LYZ: variants seen among roughly 807,000 people sequenced by gnomAD.
LYZ encodes the protein lysozyme.
Under a neutral mutation model 15.8 loss-of-function variants are expected in LYZ, and 18 were observed. The ratio of observed to expected loss-of-function variants is 1.14; its 90% CI spans 0.79 to 1.69. LYZ has a LOEUF of 1.69. Ranked by LOEUF, LYZ falls within the 40% of genes most tolerant of loss-of-function variation. The probability of loss-of-function intolerance (pLI) is 0.00; values close to 1 mark genes in which losing one functional copy is unlikely to be tolerated. For missense variants in LYZ, 139 were observed against 182.8 expected (o/e 0.76, Z 1.38); for synonymous variants, 60 against 61.7 (o/e 0.97, Z 0.13).
intron 1 of LYZ, 51 bp from the exon 2 acceptor site, chr12:69,350,057 G>A (rs1422884066): frequency 1.9e-5 from 28 of 1,511,350 alleles, no homozygotes; most frequent in Non-Finnish European, 2.5e-5. Context: ...TTGCTATAGA[G>A]TATAAGTCAC....
Position 69,350,309 on chromosome 12 carries a change from T to G in LYZ, c.301+37T>G, listed in dbSNP as rs771942161. On this transcript the variant is annotated intron_variant, in intron 2 of 3. Transcript: ENST00000261267. ...TAATATTTGACCAATCTGGTTATAC[T>G]TACAAGAATTGAGACTCAATACAAA... 1.9e-6 allele frequency: 3 copies of G among 1,609,256 alleles called. No homozygotes were observed. The Admixed American group carries it at 5.0e-5, about 27-fold the overall frequency.
At position 69,352,922 on chromosome 12, in the gene LYZ, A is replaced by G. The variant is rs1315287514; in HGVS notation, c.381-231A>G. Among the ~76,000 whole-genome samples, 80 of 152,192 alleles carry G rather than the reference A, an allele frequency of 5.3e-4. 1 individual carries two copies. The highest frequency in any genetic ancestry group is 5.2e-3 in the Admixed American group (80 of 15,274). ...ATTCACTTTGCAGTTGCTGCTGTAC[A>G]ACGCACATTACTCAATCTTTATGTT... On this transcript the variant is annotated intron_variant, in intron 3 of 3. Transcript: ENST00000261267.
rs1874914150 is a variant in LYZ at position 69,354,187 on chromosome 12, G to T, written c.*968G>T. ...TAATTAATCACAAATGTGAAGTTAT[G>T]CATGATGTAAAAAATACAAACATTC... On this transcript the variant is annotated 3_prime_UTR_variant, in exon 4 of 4. Coordinates refer to ENST00000261267, the MANE Select transcript of LYZ (RefSeq NM_000239.3). 1.3e-5 allele frequency: 2 copies of T among 152,220 alleles called. No homozygotes were observed. The highest frequency in any genetic ancestry group is 4.8e-5 in the African/African-American group (2 of 41,456). The allele number at this position is 152,220 out of a possible 1,614,324, so 9.4% of individuals were successfully genotyped here.
At chr12:69,349,900 C>T (rs1022862811) in intron 1 of LYZ, among the ~76,000 whole-genome samples, 2 of 152,156 alleles carry the variant, frequency 1.3e-5, no homozygotes, top group South Asian at 2.1e-4. Flanking sequence ...TTATATTGTT[C>T]GTTGGTGTTA....
Position 69,350,454 on chromosome 12 carries a change from AG to A in LYZ, c.301+184del, listed in dbSNP as rs1248670222. On this transcript the variant is annotated intron_variant, in intron 2 of 3. Transcript: ENST00000261267. ...GAAATTAAAGAAGTGGTATCATAAAAGGTTGATGTTTTTTAATATACAGAAG... is the reference window on the plus strand; with the variant it reads ...GAAATTAAAGAAGTGGTATCATAAAAGTTGATGTTTTTTAATATACAGAAG... 1.7e-5 allele frequency: 11 copies of A among 629,366 alleles called. No homozygotes were observed. The African/African-American group carries it at 2.0e-4, about 12-fold the overall frequency. The allele number at this position is 629,366 out of a possible 1,614,324, so 39.0% of individuals were successfully genotyped here. A position where few individuals can be genotyped will look rare whatever the true frequency, so the allele number is the denominator to read the frequency against.
At chr12:69,352,028 G>GA (rs1486007626) in intron 2 of LYZ, among the ~76,000 whole-genome samples, 192 bp from the exon 3 acceptor site, 3 of 151,960 alleles carry the variant, frequency 2.0e-5, no homozygotes, top group African/African-American at 4.8e-5. Flanking sequence ...GGTAAATGAA[G>GA]AAAAAAATGC....
At chr12:69,350,418 T>G in intron 2 of LYZ, 146 bp downstream of exon 2, 1 of 772,110 alleles carries the variant, frequency 1.3e-6, no homozygotes, top group Non-Finnish European at 2.1e-6. Context: ...TCCTCATAAT[T>G]CCCTGAGTAA....
Position 69,350,241 on chromosome 12 carries a change from A to G in LYZ, c.270A>G (p.Gly90=). ...GGTGTAATGATGGCAAAACCCCAGG[A>G]GCAGTTAATGCCTGTCATTTATCCT... ...RYWCNDGKTP[G]AVNACHLSCS... is the part of the protein sequence containing the mutation. The change falls in exon 2 of 4, where the codon GGA becomes GGG. Residue 90 remains glycine (G), a synonymous_variant. Transcript: ENST00000261267. The G allele has an allele frequency of 6.2e-7, 1 of 1,614,166 alleles. No homozygotes were observed. Among genetic ancestry groups the G allele is most frequent in the Non-Finnish European group, 8.5e-7 (1 of 1,180,014 alleles).
chr12:69,349,046 G>A (rs1057330972), intron 1 of LYZ, among the ~76,000 whole-genome samples: 4 of 152,042 alleles, frequency 2.6e-5, no homozygotes, highest in African/African-American at 9.7e-5. Context: ...GTGTGGCCCA[G>A]GCTGGAGTGC....
chr12:69,350,551 C>T (rs986830959), intron 2 of LYZ: 5 of 373,642 alleles, frequency 1.3e-5, no homozygotes, highest in African/African-American at 2.1e-5. Context: ...TGCCATTGCT[C>T]CTGCTTACTT....
chr12:69,350,299 C>T, intron 2 of LYZ, 27 bp downstream of exon 2: 2 of 1,612,310 alleles, frequency 1.2e-6, no homozygotes, highest in Non-Finnish European at 1.7e-6. Flanking sequence ...TTTGACCAAT[C>T]TGGTTATACT....
intron 2 of LYZ, chr12:69,350,645 G>A (rs1874822400): frequency 4.7e-6 from 1 of 212,210 alleles, no homozygotes; most frequent in Non-Finnish European, 9.4e-6. Context: ...TAAATGTATA[G>A]AAAATTAGAG....
chr12:69,353,740 G>T lies in LYZ; in HGVS notation c.*521G>T, dbSNP rs567541896. 1.8e-5 allele frequency: 3 copies of T among 168,576 alleles called. No individual in the cohort carries two copies. Among genetic ancestry groups the T allele is most frequent in the South Asian group, 1.5e-4 (1 of 6,810 alleles). 10.4% of individuals were successfully genotyped at this position (168,576 alleles called of 1,614,324 possible). ...CCTGACCTTGTGATCCACCCACCTC[G>T]GCCTCCCAAAGTGCTGGGATTACAG... On this transcript the variant is annotated 3_prime_UTR_variant, in exon 4 of 4. Coordinates refer to ENST00000261267, the MANE Select transcript of LYZ (RefSeq NM_000239.3).
At position 69,353,351 on chromosome 12, in the gene LYZ, G is replaced by T; in HGVS notation, c.*132G>T. Reference sequence around the variant, plus strand: ...TTTTACAGAAGCAGGAGCAAAATATGGCCTTTCTTCTAAGAGATATAATGT... The same window carrying T: ...TTTTACAGAAGCAGGAGCAAAATATTGCCTTTCTTCTAAGAGATATAATGT... On this transcript the variant is annotated 3_prime_UTR_variant, in exon 4 of 4. Transcript: ENST00000261267. 1.3e-6 allele frequency: 1 copy of T among 769,336 alleles called. No homozygotes were observed. The allele number at this position is 769,336 out of a possible 1,614,324, so 47.7% of individuals were successfully genotyped here. A position where few individuals can be genotyped will look rare whatever the true frequency, so the allele number is the denominator to read the frequency against.
At position 69,354,222 on chromosome 12, in the gene LYZ, G is replaced by A. The variant is rs765298076; in HGVS notation, c.*1003G>A. ...AAAAATACAAACATTCTAATTAAAGGCTTTGCAACACATGCCTTGTCTGTT... is the reference window on the plus strand; with the variant it reads ...AAAAATACAAACATTCTAATTAAAGACTTTGCAACACATGCCTTGTCTGTT... On this transcript the variant is annotated 3_prime_UTR_variant, in exon 4 of 4. Transcript: ENST00000261267. 6.6e-6 allele frequency: 1 copy of A among 152,126 alleles called. No individual in the cohort carries two copies. The highest frequency in any genetic ancestry group is 1.5e-5 in the Non-Finnish European group (1 of 68,028). 9.4% of individuals were successfully genotyped at this position (152,126 alleles called of 1,614,324 possible). A position where few individuals can be genotyped will look rare whatever the true frequency, so the allele number is the denominator to read the frequency against.
chr12:69,351,214 G>A (rs1165434392), intron 2 of LYZ, among the ~76,000 whole-genome samples: 1 of 152,042 alleles, frequency 6.6e-6, no homozygotes, highest in African/African-American at 2.4e-5. Context: ...TATTTGGAGT[G>A]AAACAAATAT....
At chr12:69,348,570 A>G (rs1291707715) in intron 1 of LYZ, 26 bp downstream of exon 1, 1 of 1,613,820 alleles carries the variant, frequency 6.2e-7, no homozygotes, top group East Asian at 2.2e-5. Context: ...ATAATTCCAG[A>G]GAATTAGCTA....
intron 1 of LYZ, among the ~76,000 whole-genome samples, chr12:69,349,584 A>C (rs190447782): frequency 1.3e-5 from 2 of 152,238 alleles, no homozygotes; most frequent in Non-Finnish European, 2.9e-5. Flanking sequence ...ATTTCCCCTC[A>C]ATAGCTATTT....
At chr12:69,349,963 C>A in intron 1 of LYZ, 145 bp from the exon 2 acceptor site, 1 of 692,342 alleles carries the variant, frequency 1.4e-6, no homozygotes. Flanking sequence ...TATCTTAACA[C>A]TAAAGTGCTA....
Sources: gnomAD v4.1 joint callset for allele counts (sites outside exome capture counted in the v4.1 genomes callset) on GRCh38, gnomAD v4.1.1 for gene constraint, MANE v1.5 for transcripts, NCBI Gene and HGNC (gene_info 2026-07-23, HGNC 2026-07-21) for gene names.